EML1: variants seen among roughly 807,000 people sequenced by gnomAD.
The protein encoded by EML1 is EMAP like 1.
In EML1, 27 loss-of-function variants were observed where a neutral mutation model predicts 110.4. That is an observed-to-expected ratio of 0.24 (90% confidence interval 0.18 to 0.34). The LOEUF is 0.34. EML1 is among the 10% of genes least tolerant of loss of function. The pLI is 1.00. For missense variants in EML1, 741 were observed against 1,030.9 expected (o/e 0.72, Z 3.85); for synonymous variants, 344 against 385.8 (o/e 0.89, Z 1.27).
At chr14:99,926,030 C>A (rs185036079) in intron 17 of EML1, among the ~76,000 whole-genome samples, 1 of 152,342 alleles carries the variant, frequency 6.6e-6, no homozygotes, top group East Asian at 1.9e-4. Flanking sequence ...GCTGGCCCAG[C>A]TGCTGCGAAG....
intron 13 of EML1, among the ~76,000 whole-genome samples, chr14:99,913,364 A>G (rs1016023166): frequency 1.3e-5 from 2 of 151,906 alleles, no homozygotes; most frequent in African/African-American, 2.4e-5. Context: ...TTTGGTAGAA[A>G]TGGAGTCTTG....
chr14:99,771,675 G>C (rs1158052399), upstream of EML1, among the ~76,000 whole-genome samples: 1 of 152,156 alleles, frequency 6.6e-6, no homozygotes, highest in Admixed American at 6.5e-5. Flanking sequence ...AGCCAGGCAT[G>C]GTGGTGTGTG....
intron 4 of EML1, among the ~76,000 whole-genome samples, chr14:99,881,345 T>C (rs2059380774): frequency 6.6e-6 from 1 of 152,216 alleles, no homozygotes; most frequent in Non-Finnish European, 1.5e-5. Flanking sequence ...TGTGCAAAGC[T>C]GTCGTTAGCA....
intron 1 of EML1, among the ~76,000 whole-genome samples, chr14:99,758,361 A>G (rs1406855840): frequency 2.6e-5 from 4 of 152,186 alleles, no homozygotes; most frequent in Non-Finnish European, 4.4e-5. Flanking sequence ...TTCTGCCAAC[A>G]TGAAGCATAC....
chr14:99,865,737 A>T, intron 3 of EML1, 91 bp downstream of exon 3: 1 of 1,458,176 alleles, frequency 6.9e-7, no homozygotes, highest in Admixed American at 2.5e-5. Flanking sequence ...GACATTGTAC[A>T]ATTTCTTCTG....
intron 4 of EML1, among the ~76,000 whole-genome samples, chr14:99,880,708 C>G (rs151145585): frequency 5.7e-4 from 87 of 152,296 alleles, no homozygotes; most frequent in African/African-American, 1.9e-3. Context: ...AGGGCAGAGG[C>G]TCTGCAGTAA....
chr14:99,755,392 C>G (rs1225059555), intron 1 of EML1, among the ~76,000 whole-genome samples: 1 of 152,198 alleles, frequency 6.6e-6, no homozygotes, highest in East Asian at 1.9e-4. Flanking sequence ...GCTTATATCT[C>G]AGGTCCCACA....
intron 1 of EML1, among the ~76,000 whole-genome samples, chr14:99,794,348 T>C (rs1161067320): frequency 6.6e-6 from 1 of 152,144 alleles, no homozygotes; most frequent in African/African-American, 2.4e-5. Flanking sequence ...ACTTTTTTTT[T>C]TTTTTACATG....
intron 1 of EML1, among the ~76,000 whole-genome samples, chr14:99,810,163 A>G (rs989537772): frequency 3.3e-5 from 5 of 152,164 alleles, no homozygotes; most frequent in African/African-American, 1.2e-4. Flanking sequence ...AGGCCATTTT[A>G]CAGCATTCAC....
At chr14:99,866,616 A>G (rs1444036361) in intron 3 of EML1, among the ~76,000 whole-genome samples, 1 of 149,180 alleles carries the variant, frequency 6.7e-6, no homozygotes, top group Non-Finnish European at 1.5e-5. Flanking sequence ...AGTGTTAAGT[A>G]TATTCACGCA....
chr14:99,850,315 T>G (rs1045251076), intron 1 of EML1: 1 of 1,288,918 alleles, frequency 7.8e-7, no homozygotes. Flanking sequence ...GATAAGGAGT[T>G]GGAAATTATG....
intron 1 of EML1, among the ~76,000 whole-genome samples, chr14:99,759,055 CT>C (rs1344716519): frequency 2.0e-5 from 3 of 152,244 alleles, no homozygotes; most frequent in Admixed American, 6.5e-5. Context: ...TGAAAAGCTG[CT>C]GCCCAGATGA....
At chr14:99,895,315 C>T (rs4900445) in intron 6 of EML1, among the ~76,000 whole-genome samples, 36,809 of 151,958 alleles carry the variant, frequency 0.24, 5,400 homozygotes, top group Non-Finnish European at 0.33. Flanking sequence ...GCAATCTGCT[C>T]GTCTCAGCTT....
chr14:99,742,571 G>A (rs2057054848), intron 1 of EML1, among the ~76,000 whole-genome samples: 1 of 152,112 alleles, frequency 6.6e-6, no homozygotes, highest in South Asian at 2.1e-4. Context: ...TGGGGTGCTG[G>A]GACGGTGCAG....
At chr14:99,923,104 G>C (rs904852855) in intron 17 of EML1, among the ~76,000 whole-genome samples, 1 of 152,026 alleles carries the variant, frequency 6.6e-6, no homozygotes, top group Non-Finnish European at 1.5e-5. Flanking sequence ...ACCACGTCTG[G>C]CTAATTTTTG....
chr14:99,778,447 CTTCTTGGTGGCAT>C (rs2057506188), intron 1 of EML1, among the ~76,000 whole-genome samples: 1 of 152,144 alleles, frequency 6.6e-6, no homozygotes, highest in Non-Finnish European at 1.5e-5. Context: ...CTAATTTCAG[CTTCTTGGTGGCAT>C]TTCTCCGGAG....
At chr14:99,826,601 A>G (rs1451461270) in intron 1 of EML1, among the ~76,000 whole-genome samples, 8 of 152,106 alleles carry the variant, frequency 5.3e-5, no homozygotes, top group Admixed American at 2.0e-4. Flanking sequence ...CCTGGTGAGA[A>G]TGAGCCCCTG....
chr14:99,870,769 A>G (rs1046471640), intron 3 of EML1, among the ~76,000 whole-genome samples: 1 of 152,196 alleles, frequency 6.6e-6, no homozygotes, highest in African/African-American at 2.4e-5. Context: ...TTCTTAGCCC[A>G]TTGTTGAGGC....
At chr14:99,887,704 A>G (rs73360345) in intron 4 of EML1, among the ~76,000 whole-genome samples, 1 of 152,144 alleles carries the variant, frequency 6.6e-6, no homozygotes, top group South Asian at 2.1e-4. Context: ...TCACCGCCCA[A>G]GCATGTTTCA....
Sources: gnomAD v4.1 joint callset for allele counts (sites outside exome capture counted in the v4.1 genomes callset) on GRCh38, gnomAD v4.1.1 for gene constraint, MANE v1.5 for transcripts, NCBI Gene and HGNC (gene_info 2026-07-23, HGNC 2026-07-21) for gene names.